The following PPP1R1C variants were observed in gnomAD, a reference collection of about 807,000 sequenced individuals.
The protein encoded by PPP1R1C is protein phosphatase 1 regulatory inhibitor subunit 1C, also known as protein phosphatase 1 regulatory subunit 1C.
PPP1R1C carries 15 observed loss-of-function variants against 17.4 expected under a neutral mutation model. That is an observed-to-expected ratio of 0.86 (90% confidence interval 0.58 to 1.33). The LOEUF is 1.33. PPP1R1C is among the 40% of genes most tolerant of loss of function. PPP1R1C has a pLI of 0.00. For missense variants in PPP1R1C, 143 were observed against 130.0 expected (o/e 1.10, Z -0.48); for synonymous variants, 35 against 43.1 (o/e 0.81, Z 0.73).
chr2:182,090,111 C>T (rs2125220002), intron 4 of PPP1R1C, among the ~76,000 whole-genome samples: 1 of 152,100 alleles, frequency 6.6e-6, no homozygotes, highest in South Asian at 2.1e-4. Flanking sequence ...ACGTTCTGTA[C>T]ACTTAATTTG....
At chr2:182,059,659 G>A (rs553621485) in intron 2 of PPP1R1C, among the ~76,000 whole-genome samples, 5 of 152,108 alleles carry the variant, frequency 3.3e-5, no homozygotes, top group African/African-American at 7.2e-5. Context: ...ATATAAGACT[G>A]AATTTTTTTA....
At chr2:181,969,413 C>T (rs1030226139) in intron 1 of PPP1R1C, among the ~76,000 whole-genome samples, 3 of 152,054 alleles carry the variant, frequency 2.0e-5, no homozygotes, top group Non-Finnish European at 2.9e-5. Flanking sequence ...TTATATATGT[C>T]ACACCACTCT....
chr2:182,046,653 C>A (rs1225459888), intron 2 of PPP1R1C, among the ~76,000 whole-genome samples: 1 of 150,878 alleles, frequency 6.6e-6, no homozygotes, highest in Non-Finnish European at 1.5e-5. Context: ...GCAGGAGAAT[C>A]ACTTGAACCC....
chr2:181,999,853 T>A (rs1153737), intron 2 of PPP1R1C, among the ~76,000 whole-genome samples: 19,322 of 152,066 alleles, frequency 0.13, 2,472 homozygotes, highest in African/African-American at 0.29. Context: ...GAACCCCGTT[T>A]TTTATTCATC....
rs1324618929 is a variant in PPP1R1C at position 182,030,284 on chromosome 2, G to T, written c.143-31158G>T. On this transcript the variant is annotated intron_variant, in intron 2 of 4. Transcript: ENST00000682840. ...ACTGCGTTCCTTTGGAGGAGGAGAG[G>T]CACTCTGTGTTTTAGAGTTTCCCGT... Among the ~76,000 whole-genome samples the T allele has an allele frequency of 3.9e-5, 6 of 152,194 alleles. No individual in the cohort carries two copies. In the East Asian group the frequency reaches 1.2e-3, roughly 29 times the overall value.
intron 2 of PPP1R1C, among the ~76,000 whole-genome samples, chr2:182,021,433 C>G (rs1686425437): frequency 6.7e-6 from 1 of 149,314 alleles, no homozygotes; most frequent in Non-Finnish European, 1.5e-5. Flanking sequence ...GTTCATGCAA[C>G]TCTCCTGCCT....
intron 1 of PPP1R1C, among the ~76,000 whole-genome samples, chr2:181,963,098 CAAT>C (rs1330481676): frequency 6.6e-6 from 1 of 152,106 alleles, no homozygotes; most frequent in African/African-American, 2.4e-5. Flanking sequence ...TATTCAGTGA[CAAT>C]AAAAGAGGGT....
chr2:182,082,341 G>T (rs144044598), intron 4 of PPP1R1C, among the ~76,000 whole-genome samples: 87 of 152,260 alleles, frequency 5.7e-4, no homozygotes, highest in African/African-American at 2.1e-3. Context: ...GTTCTCAAAA[G>T]AAAATATCTC....
chr2:181,998,507 T>G (rs1005692732), intron 2 of PPP1R1C, among the ~76,000 whole-genome samples: 1 of 152,216 alleles, frequency 6.6e-6, no homozygotes. Context: ...CATTCCTTCT[T>G]TTGAATAAGT....
intron 4 of PPP1R1C, among the ~76,000 whole-genome samples, chr2:182,074,041 C>CT (rs554848749): frequency 0.027 from 3,587 of 131,120 alleles, 157 homozygotes; most frequent in African/African-American, 0.086. Flanking sequence ...AATTCTTCTT[C>CT]TTTTTTTTTT....
At chr2:182,089,728 A>G (rs1038123354) in intron 4 of PPP1R1C, among the ~76,000 whole-genome samples, 1 of 152,246 alleles carries the variant, frequency 6.6e-6, no homozygotes, top group East Asian at 1.9e-4. Context: ...TTTATTCACA[A>G]TAATCATCAC....
chr2:182,002,833 G>T (rs151028583), intron 2 of PPP1R1C, among the ~76,000 whole-genome samples: 1 of 150,560 alleles, frequency 6.6e-6, no homozygotes, highest in East Asian at 2.0e-4. Context: ...TGAAATTTGT[G>T]TTTATAAGAT....
intron 2 of PPP1R1C, among the ~76,000 whole-genome samples, chr2:181,996,955 C>A (rs894513900): frequency 2.6e-5 from 4 of 152,178 alleles, no homozygotes; most frequent in African/African-American, 9.7e-5. Context: ...CACAGCCGGG[C>A]GCGGTGGCTC....
At chr2:182,029,428 C>A (rs1175061914) in intron 2 of PPP1R1C, among the ~76,000 whole-genome samples, 1 of 151,902 alleles carries the variant, frequency 6.6e-6, no homozygotes, top group African/African-American at 2.4e-5. Flanking sequence ...AATCTCTCAG[C>A]ATTTGCTTGT....
intron 2 of PPP1R1C, among the ~76,000 whole-genome samples, chr2:181,980,316 G>T (rs1321327202): frequency 2.6e-5 from 4 of 152,204 alleles, no homozygotes; most frequent in Non-Finnish European, 5.9e-5. Flanking sequence ...ATCCATAAAA[G>T]TGAAAGGTAC....
chr2:182,055,602 T>G (rs1687659236), intron 2 of PPP1R1C, among the ~76,000 whole-genome samples: 1 of 152,146 alleles, frequency 6.6e-6, no homozygotes, highest in Admixed American at 6.5e-5. Context: ...AAAGAAAAAC[T>G]TTATTTCTCT....
At chr2:182,023,399 G>A (rs924141924) in intron 2 of PPP1R1C, among the ~76,000 whole-genome samples, 16 of 152,096 alleles carry the variant, frequency 1.1e-4, no homozygotes, top group African/African-American at 3.4e-4. Flanking sequence ...CATGTGTAGG[G>A]AAAAGACATG....
intron 2 of PPP1R1C, among the ~76,000 whole-genome samples, chr2:182,052,493 T>A (rs1277669674): frequency 6.6e-6 from 1 of 152,214 alleles, no homozygotes; most frequent in Non-Finnish European, 1.5e-5. Flanking sequence ...TGTCATATCA[T>A]CCCACACAGC....
chr2:182,109,140 A>G (rs1415881724), intron 4 of PPP1R1C, among the ~76,000 whole-genome samples: 2 of 152,132 alleles, frequency 1.3e-5, no homozygotes, highest in East Asian at 3.9e-4. Flanking sequence ...CTTGCCATCT[A>G]TGTATCTCCT....
Sources: allele counts gnomAD v4.1 joint callset (sites outside exome capture counted in the v4.1 genomes callset), GRCh38; gene constraint gnomAD v4.1.1; transcripts MANE v1.5; gene names NCBI Gene and HGNC (gene_info 2026-07-23, HGNC 2026-07-21).